The following SLC46A1 variants were observed in gnomAD, a reference collection of about 807,000 sequenced individuals.
The protein encoded by SLC46A1 is proton-coupled folate transporter.
A neutral mutation model predicts 32.1 loss-of-function variants in SLC46A1; 17 were observed. The observed-to-expected ratio is 0.53, with a 90% CI of 0.36 to 0.79. The LOEUF is 0.79. Among genes scored for constraint, SLC46A1 ranks in the 30% least tolerant of loss-of-function variants. SLC46A1 has a pLI of 0.00. For missense variants in SLC46A1, 517 were observed against 588.2 expected, an observed-to-expected ratio of 0.88 and a Z score of 1.25; for synonymous variants, 240 against 262.7, an observed-to-expected ratio of 0.91 and a Z score of 0.84.
At position 28,395,670 on chromosome 17, in the gene SLC46A1, A is replaced by T; in HGVS notation, c.*3986T>A. The T allele has an allele frequency of 4.0e-6, 2 of 497,840 alleles. No individual in the cohort carries two copies. Among genetic ancestry groups the T allele is most frequent in the Non-Finnish European group, 7.2e-6 (2 of 276,304 alleles). The allele number at this position is 497,840 out of a possible 1,614,324, so 30.8% of individuals were successfully genotyped here. ...ATCTCTTTAGCATACAAAGACACTCATCACTCAAGAGATTCCAAGGGTTTT... is the reference window on the plus strand; with the variant it reads ...ATCTCTTTAGCATACAAAGACACTCTTCACTCAAGAGATTCCAAGGGTTTT... On this transcript the variant is annotated 3_prime_UTR_variant, in exon 5 of 5. Coordinates refer to ENST00000612814, the MANE Select transcript of SLC46A1 (RefSeq NM_080669.6).
intron 1 of SLC46A1, 31 bp from the exon 2 acceptor site, chr17:28,405,499 C>G (rs782511398): frequency 1.3e-6 from 2 of 1,587,874 alleles, no homozygotes; most frequent in South Asian, 2.3e-5. Flanking sequence ...GGGTGCGGTT[C>G]CTCACTCTGG....
In SLC46A1 at chr17:28,406,024, G is replaced by A; in HGVS notation, c.91C>T (p.Leu31=). 1 of 1,609,572 alleles carries A rather than the reference G, an allele frequency of 6.2e-7. No homozygotes were observed. The highest frequency in any genetic ancestry group is 1.1e-5 in the South Asian group (1 of 90,462). ...CRGPVEPLVF[L]ANFALVLQGP... is the part of the protein sequence containing the mutation. ...TGCAGGACCAAGGCAAAGTTGGCCA[G>A]GAAGACCAGCGGCTCTACCGGGCCC... The change falls in exon 1 of 5, where the codon CTG becomes TTG. Residue 31 remains leucine (L), a synonymous_variant. Coordinates refer to ENST00000612814, the MANE Select transcript of SLC46A1 (RefSeq NM_080669.6). This position sits in a 1 kb window ranked among gnomAD's most constrained non-coding sequence, Gnocchi z 4.5.
intron 1 of SLC46A1, 188 bp from the exon 2 acceptor site, chr17:28,405,656 T>G: frequency 1.0e-6 from 1 of 989,358 alleles, no homozygotes; most frequent in Non-Finnish European, 1.5e-6. Flanking sequence ...CCCATTCCCT[T>G]TCCTTTCCCC....
Position 28,395,813 on chromosome 17 carries a change from C to T in SLC46A1, c.*3843G>A. The T allele has an allele frequency of 6.7e-7, 1 of 1,485,492 alleles. No homozygotes were observed. Among genetic ancestry groups the T allele is most frequent in the East Asian group, 2.3e-5 (1 of 44,124 alleles). 92.0% of individuals were successfully genotyped at this position (1,485,492 alleles called of 1,614,324 possible). ...GACTGGTGTCCTGCCCTGGGCCCAG[C>T]CTCGGGCCAGTGGGCCTCCCAGCAC... is the stretch of plus-strand genomic sequence containing the variant. On this transcript the variant is annotated 3_prime_UTR_variant, in exon 5 of 5. Coordinates refer to ENST00000612814, the MANE Select transcript of SLC46A1 (RefSeq NM_080669.6).
upstream of SLC46A1, chr17:28,406,533 A>C: frequency 3.1e-5 from 5 of 163,634 alleles, no homozygotes; most frequent in Middle Eastern, 2.8e-3. This position sits in a 1 kb window ranked among gnomAD's most constrained non-coding sequence, Gnocchi z 4.5. Context: ...AATATTAACC[A>C]TCGCTATCTA....
In SLC46A1 at chr17:28,402,243, T is replaced by C; in HGVS notation, c.1160A>G (p.Glu387Gly). ...AKLSKLVRET[E>G]QGALFSAVAC... ...AGGTGGGTTCTGACACTCACCCTGC[T>C]CTGTCTCTCTCACCAGCTTGGAGAG... Residue 387 changes from glutamate to glycine, a missense_variant, in exon 3 of 5, where the codon GAG becomes GGG. By Grantham distance (98) the Glu-to-Gly change is moderately conservative (BLOSUM62 -2). Transcript: ENST00000612814. 1 of 1,612,890 alleles carries C rather than the reference T, an allele frequency of 6.2e-7. No individual in the cohort carries two copies. Among genetic ancestry groups the C allele is most frequent in the Non-Finnish European group, 8.5e-7 (1 of 1,179,416 alleles).
chr17:28,405,450 A>C lies in SLC46A1; in HGVS notation c.247T>G (p.Ser83Ala), dbSNP rs2068248319. Residue 83 changes from serine (S) to alanine (A), a missense_variant, in exon 2 of 5, where the codon TCC (serine) becomes GCC (alanine). Coordinates refer to ENST00000612814, the MANE Select transcript of SLC46A1 (RefSeq NM_080669.6). The part of the protein sequence containing the change: ...PTMQEVETLT[S>A]HWTLYMNVGG... ...ACGTTCATGTAGAGGGTCCAGTGGG[A>C]GGTAAGGGTCTCCACTTCCTGTAGG... 1 of 1,596,634 alleles carries C rather than the reference A, an allele frequency of 6.3e-7. No homozygotes were observed. The highest frequency in any genetic ancestry group is 1.3e-5 in the African/African-American group (1 of 74,532).
Position 28,405,057 on chromosome 17 carries a change from G to T in SLC46A1, c.640C>A (p.Leu214Met). The T allele has an allele frequency of 6.2e-7, 1 of 1,614,028 alleles. No individual in the cohort carries two copies. Among genetic ancestry groups the T allele is most frequent in the Middle Eastern group, 1.6e-4 (1 of 6,062 alleles). The change falls in exon 2 of 5, where the codon CTG (leucine) becomes ATG (methionine). Residue 214 changes from leucine to methionine, a missense_variant. By Grantham distance (15) the Leu-to-Met change is conservative. Coordinates refer to ENST00000612814, the MANE Select transcript of SLC46A1 (RefSeq NM_080669.6). ...ATGGCTATCAGCAAGGCCAAGGCCA[G>T]CCAGAAGGGGTTGGCATAACCCTGG... ...RAQGYANPFW[L>M]ALALLIAMTL...
intron 4 of SLC46A1, 40 bp from the exon 5 acceptor site, chr17:28,399,753 G>A (rs2068173812): frequency 6.2e-7 from 1 of 1,607,936 alleles, no homozygotes. Flanking sequence ...TTCATGTGGG[G>A]AACCCTCAAG....
intron 1 of SLC46A1, chr17:28,405,674 T>C: frequency 1.0e-6 from 1 of 962,140 alleles, no homozygotes; most frequent in East Asian, 2.6e-5. Context: ...CCCCCCCTTT[T>C]GTTAACCTGC....
Position 28,402,279 on chromosome 17 carries a change from A to C in SLC46A1, c.1124T>G (p.Ile375Ser). ...CACCAGCTTGGAGAGTTTAGCCCGG[A>C]TGACAGGTGTGATGACTAATGACAG... is the stretch of plus-strand genomic sequence containing the variant. ...LFLSLVITPV[I>S]RAKLSKLVRE... The change falls in exon 3 of 5, where the codon ATC becomes AGC. Residue 375 changes from isoleucine (I) to serine (S), a missense_variant. Ile to Ser is a moderately radical substitution (Grantham distance 142). Transcript: ENST00000612814. 6.2e-7 allele frequency: 1 copy of C among 1,613,660 alleles called. No homozygotes were observed. Among genetic ancestry groups the C allele is most frequent in the Non-Finnish European group, 8.5e-7 (1 of 1,179,770 alleles).
At chr17:28,406,235 C>T, upstream of SLC46A1, 1 of 743,040 alleles carries the variant, frequency 1.3e-6, no homozygotes, top group Non-Finnish European at 1.9e-6. The surrounding 1 kb of genome is among the most constrained non-coding windows in gnomAD (Gnocchi z 4.5). Context: ...GGCGTCCCTC[C>T]TTAAATGTCC....
At position 28,396,471 on chromosome 17, in the gene SLC46A1, G is replaced by T. The variant is rs1292912934; in HGVS notation, c.*3185C>A. On this transcript the variant is annotated 3_prime_UTR_variant, in exon 5 of 5. Transcript: ENST00000612814. ...ACCCACTTTCCTCAGTATCTGGAGA[G>T]GGAAGGGAAGTCAGGCTTGGGCACG... is the stretch of plus-strand genomic sequence containing the variant. The T allele has an allele frequency of 3.0e-5, 21 of 688,640 alleles. No individual in the cohort carries two copies. The highest frequency in any genetic ancestry group is 4.5e-5 in the Non-Finnish European group (19 of 417,952). The allele number at this position is 688,640 out of a possible 1,614,324, so 42.7% of individuals were successfully genotyped here.
chr17:28,396,121 C>T lies in SLC46A1; in HGVS notation c.*3535G>A. On this transcript the variant is annotated 3_prime_UTR_variant, in exon 5 of 5. Transcript: ENST00000612814. ...CAGCTGACTAGCAGCTCCCTCTGCC[C>T]AGCTGTCTGAACCACATTGGCTCCT... 1.9e-6 allele frequency: 3 copies of T among 1,613,888 alleles called. No individual in the cohort carries two copies. The highest frequency in any genetic ancestry group is 2.5e-6 in the Non-Finnish European group (3 of 1,179,824).
In SLC46A1 at chr17:28,399,588, G is replaced by T; in HGVS notation, c.*68C>A. The stretch of plus-strand genomic sequence containing the variant: ...TGTCCTGCTGTGGGCTGGGCTTCCA[G>T]CTGCAGACCTCCAGTTGCTTGGTGT... On this transcript the variant is annotated 3_prime_UTR_variant, in exon 5 of 5. Coordinates refer to ENST00000612814, the MANE Select transcript of SLC46A1 (RefSeq NM_080669.6). The T allele has an allele frequency of 6.5e-7, 1 of 1,544,482 alleles. No individual in the cohort carries two copies. Among genetic ancestry groups the T allele is most frequent in the Non-Finnish European group, 8.9e-7 (1 of 1,118,440 alleles).
intron 4 of SLC46A1, 182 bp from the exon 5 acceptor site, chr17:28,399,895 A>T: frequency 1.6e-6 from 1 of 633,302 alleles, no homozygotes. Context: ...TCTGGAAAAT[A>T]ACTTTTTTTT....
chr17:28,400,265 C>T (rs1017300530), intron 4 of SLC46A1: 7 of 297,220 alleles, frequency 2.4e-5, no homozygotes, highest in Admixed American at 9.4e-5. Flanking sequence ...CCAGCCACAA[C>T]TAGCTGACAA....
chr17:28,399,757 C>A (rs782273845), intron 4 of SLC46A1, 44 bp from the exon 5 acceptor site: 3 of 1,605,742 alleles, frequency 1.9e-6, no homozygotes, highest in South Asian at 2.2e-5. Context: ...TGTGGGGAAC[C>A]CTCAAGGCCT....
In SLC46A1 at chr17:28,406,085, C is replaced by G; in HGVS notation, c.30G>C (p.Lys10Asn). MEGSASPPEKPRARPAAAVL... is the reference protein window; with the variant it reads MEGSASPPENPRARPAAAVL... ...CGGCAGCCGCAGGGCGGGCGCGGGG[C>G]TTTTCCGGGGGGCTCGCGCTCCCCT... Residue 10 changes from lysine to asparagine, a missense_variant, in exon 1 of 5, where the codon AAG becomes AAC. By Grantham distance (94) the Lys-to-Asn change is moderately conservative. Transcript: ENST00000612814. The surrounding 1 kb of genome is among the most constrained non-coding windows in gnomAD (Gnocchi z 4.5). The G allele has an allele frequency of 6.3e-7, 1 of 1,576,962 alleles. No homozygotes were observed. Among genetic ancestry groups the G allele is most frequent in the East Asian group, 2.4e-5 (1 of 42,380 alleles).
Sources: gnomAD v4.1 joint callset for allele counts on GRCh38, gnomAD v4.1.1 for gene constraint, Gnocchi (gnomAD v3.1) non-coding constraint, MANE v1.5 for transcripts, NCBI Gene and HGNC (gene_info 2026-07-23, HGNC 2026-07-21) for gene names.